PTN: variants seen among roughly 807,000 people sequenced by gnomAD.
PTN encodes heparin affin regulatory protein.
PTN carries 18 observed loss-of-function variants against 24.1 expected under a neutral mutation model. The ratio of observed to expected loss-of-function variants is 0.75; its 90% confidence interval spans 0.52 to 1.11. The LOEUF (loss-of-function observed/expected upper bound fraction) is 1.11. Among genes scored for constraint, PTN ranks in the 50% least tolerant of loss-of-function variants. The pLI is 0.00. For synonymous variants in PTN, 78 were observed against 68.6 expected, an observed-to-expected ratio of 1.14 and a Z score of -0.67; for missense variants, 163 against 198.8, an observed-to-expected ratio of 0.82 and a Z score of 1.08.
intron 1 of PTN, among the ~76,000 whole-genome samples, chr7:137,333,798 A>T (rs1050426651): frequency 6.6e-6 from 1 of 152,172 alleles, no homozygotes; most frequent in Admixed American, 6.5e-5. Flanking sequence ...ACTATACTAC[A>T]AGCCTACAGT....
chr7:137,236,696 G>A (rs1303045561), intron 4 of PTN, among the ~76,000 whole-genome samples: 1 of 152,046 alleles, frequency 6.6e-6, no homozygotes, highest in Non-Finnish European at 1.5e-5. Context: ...AAATATTTAA[G>A]AGCTTATTTC....
At chr7:137,303,206 A>C (rs991749251) in intron 1 of PTN, among the ~76,000 whole-genome samples, 7 of 152,130 alleles carry the variant, frequency 4.6e-5, no homozygotes, top group Non-Finnish European at 1.0e-4. Flanking sequence ...AATAAGCTCC[A>C]CATCTGAATC....
At chr7:137,285,675 T>TA (rs542878640) in intron 1 of PTN, among the ~76,000 whole-genome samples, 6 of 151,826 alleles carry the variant, frequency 4.0e-5, no homozygotes, top group East Asian at 1.9e-4. Context: ...ACCTCAAAAA[T>TA]AAAAAAAATA....
intron 1 of PTN, among the ~76,000 whole-genome samples, chr7:137,301,455 G>GTTTTAAGA (rs1809804640): frequency 6.6e-6 from 1 of 151,892 alleles, no homozygotes. Context: ...TGGACTAGAT[G>GTTTTAAGA]TTTTAAGAGA....
intron 4 of PTN, among the ~76,000 whole-genome samples, chr7:137,249,297 G>A (rs1412717313): frequency 1.3e-5 from 2 of 151,834 alleles, no homozygotes; most frequent in Non-Finnish European, 2.9e-5. Flanking sequence ...GTGTGTGTGT[G>A]TGTGTGTGTT....
intron 1 of PTN, among the ~76,000 whole-genome samples, chr7:137,321,061 G>A (rs2242045): frequency 0.39 from 59,859 of 151,970 alleles, 13,082 homozygotes; most frequent in South Asian, 0.54. Context: ...GAGCATCCAG[G>A]CTAATGGACA....
intron 1 of PTN, among the ~76,000 whole-genome samples, chr7:137,330,201 T>C (rs1810328403): frequency 6.6e-6 from 1 of 151,842 alleles, no homozygotes; most frequent in African/African-American, 2.4e-5. Context: ...GCAAGAGAAA[T>C]GTTGAACTCA....
intron 1 of PTN, among the ~76,000 whole-genome samples, chr7:137,341,390 T>A (rs320723): frequency 0.39 from 58,889 of 151,844 alleles, 11,708 homozygotes; most frequent in South Asian, 0.47. Flanking sequence ...ATAAGGCATA[T>A]GGAAAATATC....
At chr7:137,316,085 C>T (rs1015791904) in intron 1 of PTN, among the ~76,000 whole-genome samples, 42 of 152,184 alleles carry the variant, frequency 2.8e-4, no homozygotes, top group African/African-American at 9.9e-4. Context: ...TGAGGCACCT[C>T]GTCAGAATCC....
intron 1 of PTN, among the ~76,000 whole-genome samples, chr7:137,335,326 C>T (rs1361322956): frequency 6.6e-6 from 1 of 152,028 alleles, no homozygotes; most frequent in African/African-American, 2.4e-5. Context: ...TAAGGAGGCC[C>T]AAGTGCAACA....
At chr7:137,341,760 G>A (rs1294443820) in intron 1 of PTN, among the ~76,000 whole-genome samples, 1 of 151,902 alleles carries the variant, frequency 6.6e-6, no homozygotes, top group Non-Finnish European at 1.5e-5. Flanking sequence ...AGTGAGCAGT[G>A]GCAGAAAAAA....
chr7:137,286,346 C>A (rs574756374), intron 1 of PTN, among the ~76,000 whole-genome samples: 1 of 152,236 alleles, frequency 6.6e-6, no homozygotes, highest in South Asian at 2.1e-4. Context: ...TCTAAACAAA[C>A]CCCACTACTT....
At chr7:137,255,965 T>C (rs1037003288) in intron 1 of PTN, among the ~76,000 whole-genome samples, 14 of 152,194 alleles carry the variant, frequency 9.2e-5, no homozygotes, top group Non-Finnish European at 1.9e-4. Context: ...GATCATAGGC[T>C]GATAATTTTT....
intron 4 of PTN, among the ~76,000 whole-genome samples, chr7:137,238,885 C>A (rs1459229919): frequency 6.6e-6 from 1 of 152,092 alleles, no homozygotes; most frequent in Non-Finnish European, 1.5e-5. Context: ...ACTTAAAACA[C>A]AAGCAGAAAG....
chr7:137,321,236 T>C lies in PTN; in HGVS notation c.-2+22203A>G, dbSNP rs143865322. Among the ~76,000 whole-genome samples, 161 of 152,310 alleles carry C rather than the reference T, an allele frequency of 1.1e-3. 2 individuals are homozygous for C. In the Middle Eastern group the frequency reaches 0.014, roughly 13 times the overall value. ...CTCTGAACTCTGAGGTTAATACCAG[T>C]TGTCAAACTGGCTTACGGGAAGGCA... On this transcript the variant is annotated intron_variant, in intron 1 of 4. Coordinates refer to ENST00000348225, the MANE Select transcript of PTN (RefSeq NM_002825.7).
chr7:137,265,934 A>C (rs909600618), intron 1 of PTN, among the ~76,000 whole-genome samples: 1 of 152,204 alleles, frequency 6.6e-6, no homozygotes, highest in Non-Finnish European at 1.5e-5. Flanking sequence ...AGAAAGCCAA[A>C]TACCATTTTA....
chr7:137,269,551 A>T (rs1419740591), intron 1 of PTN, among the ~76,000 whole-genome samples: 2 of 151,660 alleles, frequency 1.3e-5, no homozygotes, highest in Non-Finnish European at 2.9e-5. Flanking sequence ...TGTGAGAGAA[A>T]AATTTATCCT....
chr7:137,310,210 A>C (rs1349574698), intron 1 of PTN, among the ~76,000 whole-genome samples: 1 of 152,150 alleles, frequency 6.6e-6, no homozygotes, highest in African/African-American at 2.4e-5. Flanking sequence ...TTTTCTCAGT[A>C]GTGGGTCTCA....
intron 1 of PTN, among the ~76,000 whole-genome samples, chr7:137,333,202 A>G (rs1348706788): frequency 6.6e-6 from 1 of 152,108 alleles, no homozygotes; most frequent in Non-Finnish European, 1.5e-5. Flanking sequence ...TTTCTGTGTG[A>G]TGCCTGCTCC....
Sources: allele counts gnomAD v4.1 joint callset (sites outside exome capture counted in the v4.1 genomes callset), GRCh38; gene constraint gnomAD v4.1.1; transcripts MANE v1.5; gene names NCBI Gene and HGNC (gene_info 2026-07-23, HGNC 2026-07-21).